The following MEGF10 variants were observed in gnomAD, a reference collection of about 807,000 sequenced individuals.
MEGF10 encodes the protein multiple epidermal growth factor-like domains protein 10.
Under a neutral mutation model 147.5 loss-of-function variants are expected in MEGF10, and 86 were observed. That is an observed-to-expected ratio of 0.58 (90% CI 0.49 to 0.70). MEGF10 has a LOEUF of 0.70. Among genes scored for constraint, MEGF10 ranks in the 30% least tolerant of loss-of-function variants. The pLI, the probability that MEGF10 is intolerant of heterozygous loss-of-function variation, is 0.00. For synonymous variants in MEGF10, 478 were observed against 525.5 expected, an observed-to-expected ratio of 0.91 and a Z score of 1.24; for missense variants, 1,329 against 1,487.3, an observed-to-expected ratio of 0.89 and a Z score of 1.75.
At chr5:127,403,272 C>G (rs898283261) in intron 8 of MEGF10, among the ~76,000 whole-genome samples, 1 of 152,050 alleles carries the variant, frequency 6.6e-6, no homozygotes, top group African/African-American at 2.4e-5. Context: ...GCACACCCTA[C>G]TTCTTTTTCT....
At chr5:127,264,764 G>C in the MEGF10 span, among the ~76,000 whole-genome samples, 3 of 151,994 alleles carry the variant, frequency 2.0e-5, no homozygotes, top group African/African-American at 7.2e-5. Context: ...AAAGAAAAAG[G>C]GTAGCTGCTT....
chr5:127,441,622 G>A (rs1765760225), intron 18 of MEGF10, among the ~76,000 whole-genome samples: 3 of 152,208 alleles, frequency 2.0e-5, no homozygotes, highest in South Asian at 2.1e-4. Flanking sequence ...ATAAATAAGG[G>A]CTTAGGGCTG....
intron 16 of MEGF10, among the ~76,000 whole-genome samples, chr5:127,437,685 A>G (rs1272171082): frequency 6.6e-6 from 1 of 152,192 alleles, no homozygotes; most frequent in Non-Finnish European, 1.5e-5. Flanking sequence ...GTGACCCCTA[A>G]TGATTTAATT....
the MEGF10 span, among the ~76,000 whole-genome samples, chr5:127,240,548 C>G: frequency 2.0e-5 from 3 of 152,128 alleles, no homozygotes; most frequent in Non-Finnish European, 4.4e-5. Flanking sequence ...AGGTGATTGT[C>G]TCCTGAAGCT....
the MEGF10 span, among the ~76,000 whole-genome samples, chr5:127,276,360 G>A: frequency 2.6e-5 from 4 of 152,154 alleles, no homozygotes; most frequent in Non-Finnish European, 4.4e-5. Flanking sequence ...TGAATTCCCT[G>A]GGTTTAAAGA....
chr5:127,422,541 TAC>T (rs1422494956), intron 12 of MEGF10, 127 bp from the exon 13 acceptor site: 1 of 657,468 alleles, frequency 1.5e-6, no homozygotes, highest in Non-Finnish European at 2.7e-6. Context: ...TAAATAAAGA[TAC>T]ATCCCTGTAA....
chr5:127,391,031 T>A (rs539999007), intron 5 of MEGF10, among the ~76,000 whole-genome samples: 1 of 152,110 alleles, frequency 6.6e-6, no homozygotes, highest in East Asian at 1.9e-4. Flanking sequence ...GAGTTAGCTA[T>A]TTATCTTTTA....
intron 1 of MEGF10, among the ~76,000 whole-genome samples, chr5:127,321,407 G>T (rs1456055581): frequency 1.3e-5 from 2 of 152,030 alleles, no homozygotes; most frequent in Non-Finnish European, 2.9e-5. Flanking sequence ...CTCAGGGTGT[G>T]TTTGTGTGTA....
chr5:127,280,167 A>G, the MEGF10 span, among the ~76,000 whole-genome samples: 1 of 152,314 alleles, frequency 6.6e-6, no homozygotes, highest in South Asian at 2.1e-4. Context: ...TTTTTTATAA[A>G]TCTTCTTTGT....
chr5:127,236,766 T>C, the MEGF10 span, among the ~76,000 whole-genome samples: 1 of 152,226 alleles, frequency 6.6e-6, no homozygotes, highest in African/African-American at 2.4e-5. Flanking sequence ...GAGTTTATGC[T>C]TCTTTATACT....
chr5:127,390,348 A>G (rs77777031), intron 5 of MEGF10, among the ~76,000 whole-genome samples: 5,777 of 151,896 alleles, frequency 0.038, 151 homozygotes, highest in Non-Finnish European at 0.055. Context: ...GGAGTTCAGT[A>G]GAGCAATCAC....
chr5:127,237,529 G>T, the MEGF10 span, among the ~76,000 whole-genome samples: 2 of 152,078 alleles, frequency 1.3e-5, no homozygotes, highest in African/African-American at 4.8e-5. Flanking sequence ...TTTGATAAAT[G>T]GTGGGACTTC....
chr5:127,378,217 AT>A (rs1763105976), intron 5 of MEGF10, among the ~76,000 whole-genome samples: 1 of 152,174 alleles, frequency 6.6e-6, no homozygotes, highest in Non-Finnish European at 1.5e-5. Context: ...TTGAACAAGG[AT>A]AAGAATATCT....
the MEGF10 span, among the ~76,000 whole-genome samples, chr5:127,272,211 G>T: frequency 6.6e-6 from 1 of 152,048 alleles, no homozygotes. Context: ...TGCTTATTTT[G>T]TCAGGTTAGT....
chr5:127,428,141 A>ATTTTTTTTTTTTTTTTTTT (rs66935934), intron 13 of MEGF10, among the ~76,000 whole-genome samples: 1 of 103,572 alleles, frequency 9.7e-6, no homozygotes, highest in Non-Finnish European at 1.9e-5. Flanking sequence ...GGTGTCTGGT[A>ATTTTTTTTTTTTTTTTTTT]TTTTTTTTTT....
chr5:127,326,990 C>T (rs1761063633), intron 1 of MEGF10, among the ~76,000 whole-genome samples: 2 of 152,124 alleles, frequency 1.3e-5, no homozygotes, highest in African/African-American at 4.8e-5. Context: ...CTCTTTAACT[C>T]AATGATAAAG....
In MEGF10 at chr5:127,457,534, C is replaced by T; in HGVS notation, c.*216C>T. 1.9e-6 allele frequency: 1 copy of T among 530,688 alleles called. No individual in the cohort carries two copies. Among genetic ancestry groups the T allele is most frequent in the Non-Finnish European group, 3.3e-6 (1 of 302,130 alleles). 32.9% of individuals were successfully genotyped at this position (530,688 alleles called of 1,614,324 possible). A position where few individuals can be genotyped will look rare whatever the true frequency, so the allele number is the denominator to read the frequency against. On this transcript the variant is annotated 3_prime_UTR_variant, in exon 25 of 25. Transcript: ENST00000503335. ...GAGTTAGAGATGTGATTTCCCATTG[C>T]TGTTAGTTTTAGAACTATACCCGTG...
intron 1 of MEGF10, among the ~76,000 whole-genome samples, chr5:127,314,776 A>G (rs1212766337): frequency 6.6e-6 from 1 of 152,142 alleles, no homozygotes; most frequent in Non-Finnish European, 1.5e-5. Context: ...TTCAATTGAG[A>G]TATTCTTCAT....
chr5:127,256,788 A>G, the MEGF10 span, among the ~76,000 whole-genome samples: 1 of 152,198 alleles, frequency 6.6e-6, no homozygotes, highest in Non-Finnish European at 1.5e-5. Flanking sequence ...TGTAGGGTAG[A>G]AGAGGGAAAG....
Sources: allele counts gnomAD v4.1 joint callset (sites outside exome capture counted in the v4.1 genomes callset), GRCh38; gene constraint gnomAD v4.1.1; transcripts MANE v1.5; gene names NCBI Gene and HGNC (gene_info 2026-07-23, HGNC 2026-07-21).